ITSN1: variants seen among roughly 807,000 people sequenced by gnomAD.
The protein encoded by ITSN1 is intersectin 1, also known as intersectin-1.
In ITSN1, 58 loss-of-function variants were observed where a neutral mutation model predicts 239.8. The observed-to-expected ratio is 0.24, with a 90% CI of 0.20 to 0.30. The LOEUF is 0.30. ITSN1 is among the 10% of genes least tolerant of loss of function. ITSN1 has a pLI of 1.00. For synonymous variants in ITSN1, 780 were observed against 770.8 expected (o/e 1.01, Z -0.20); for missense variants, 1,558 against 2,103.3 (o/e 0.74, Z 5.07).
At chr21:33,886,535 G>T in intron 39 of ITSN1, 75 bp downstream of exon 39, 1 of 1,312,998 alleles carries the variant, frequency 7.6e-7, no homozygotes. Flanking sequence ...TTTCTTACCT[G>T]GGGACTTGGT....
Position 33,865,430 on chromosome 21 carries a change from T to C in ITSN1, c.4074+96T>C. On this transcript the variant is annotated intron_variant, in intron 32 of 39. Transcript: ENST00000381318. The surrounding 1 kb of genome is among the most constrained non-coding windows in gnomAD (Gnocchi z 4.4). ...CTAATTCAAAAGTCTGCAAGAGTGT[T>C]CCCACTAGAGGCCAACAGGGCCTAG... 9.3e-7 allele frequency: 1 copy of C among 1,072,626 alleles called. No homozygotes were observed. The highest frequency in any genetic ancestry group is 2.7e-5 in the East Asian group (1 of 37,488). The allele number at this position is 1,072,626 out of a possible 1,614,324, so 66.4% of individuals were successfully genotyped here. A position where few individuals can be genotyped will look rare whatever the true frequency, so the allele number is the denominator to read the frequency against.
chr21:33,735,359 A>T (rs1373085751), intron 5 of ITSN1, 155 bp downstream of exon 5: 3 of 777,554 alleles, frequency 3.9e-6, no homozygotes, highest in Non-Finnish European at 6.7e-6. Flanking sequence ...AGTGCTGGGG[A>T]GAAGAAGGAG....
intron 29 of ITSN1, among the ~76,000 whole-genome samples, chr21:33,845,513 G>A (rs961447769): frequency 6.6e-6 from 1 of 151,590 alleles, no homozygotes; most frequent in Non-Finnish European, 1.5e-5. Context: ...TAAAAGACCC[G>A]AATCTACTTG....
intron 34 of ITSN1, among the ~76,000 whole-genome samples, chr21:33,878,455 CACAT>C (rs200537972): frequency 6.6e-6 from 1 of 152,218 alleles, no homozygotes; most frequent in Non-Finnish European, 1.5e-5. Flanking sequence ...TGCCTGTACA[CACAT>C]ACATACATGC....
At chr21:33,723,459 A>C (rs930362480) in intron 4 of ITSN1, among the ~76,000 whole-genome samples, 1 of 152,106 alleles carries the variant, frequency 6.6e-6, no homozygotes, top group Non-Finnish European at 1.5e-5. Context: ...CTAAAAATAC[A>C]AAAAATTAGC....
At chr21:33,748,701 C>CGT (rs766570368) in intron 5 of ITSN1, among the ~76,000 whole-genome samples, 13 of 149,148 alleles carry the variant, frequency 8.7e-5, no homozygotes, top group African/African-American at 3.0e-4. Context: ...AAAAAATACA[C>CGT]GTATATATAT....
Position 33,794,416 on chromosome 21 carries a change from G to A in ITSN1, c.1900G>A (p.Glu634Lys). ...SMEAERLKQK[E>K]QERKIIELEK... ...GGAGGCTGAACGACTGAAACAGAAA[G>A]AACAAGAACGAAAGATCATAGAATT... Residue 634 changes from glutamate to lysine, a missense_variant, in exon 17 of 40, where the codon GAA becomes AAA. Physicochemically the swap from Glu to Lys is moderately conservative, Grantham distance 56. This residue lies in a region of ITSN1 where 982 missense variants were observed against 1,209.9 expected (regional missense o/e 0.81). Transcript: ENST00000381318. 1 of 1,613,756 alleles carries A rather than the reference G, an allele frequency of 6.2e-7. No homozygotes were observed. Among genetic ancestry groups the A allele is most frequent in the Non-Finnish European group, 8.5e-7 (1 of 1,179,874 alleles).
chr21:33,865,755 T>A lies in ITSN1; in HGVS notation c.4074+421T>A, dbSNP rs1383851262. On this transcript the variant is annotated intron_variant, in intron 32 of 39. Transcript: ENST00000381318. This position sits in a 1 kb window ranked among gnomAD's most constrained non-coding sequence, Gnocchi z 4.4. ...GCCAGGACTCCCAGTGGCCCCTTCA[T>A]TCCTTTCGCAGTTGGTTCTGCTTGA... Among the ~76,000 whole-genome samples, 1 of 152,172 alleles carries A rather than the reference T, an allele frequency of 6.6e-6. No individual in the cohort carries two copies. The highest frequency in any genetic ancestry group is 2.4e-5 in the African/African-American group (1 of 41,452).
intron 1 of ITSN1, among the ~76,000 whole-genome samples, chr21:33,674,938 A>G (rs771124011): frequency 1.3e-5 from 2 of 152,174 alleles, no homozygotes; most frequent in Non-Finnish European, 2.9e-5. Flanking sequence ...TTGTCAAAAT[A>G]ATATATGCTC....
intron 1 of ITSN1, among the ~76,000 whole-genome samples, chr21:33,705,566 G>A: frequency 1.3e-5 from 2 of 148,450 alleles, no homozygotes; most frequent in Non-Finnish European, 3.0e-5. Flanking sequence ...TTTTTTTTTT[G>A]TATTTTTAGT....
intron 34 of ITSN1, among the ~76,000 whole-genome samples, chr21:33,881,824 T>C (rs1211235256): frequency 6.6e-6 from 1 of 151,588 alleles, no homozygotes; most frequent in African/African-American, 2.4e-5. Context: ...CTACAAAAGT[T>C]TTTTTCACAT....
At chr21:33,778,632 G>T (rs1232490237) in intron 14 of ITSN1, among the ~76,000 whole-genome samples, 1 of 109,926 alleles carries the variant, frequency 9.1e-6, no homozygotes, top group Non-Finnish European at 1.6e-5. Context: ...AGGCTGGAGT[G>T]CAGTGGCGCA....
Position 33,818,268 on chromosome 21 carries a change from G to A in ITSN1, c.2729G>A (p.Gly910Asp), listed in dbSNP as rs1371769254. The A allele has an allele frequency of 6.2e-7, 1 of 1,613,862 alleles. No individual in the cohort carries two copies. The highest frequency in any genetic ancestry group is 8.5e-7 in the Non-Finnish European group (1 of 1,179,838). The part of the protein sequence containing the change: ...GSSPSPVLGQ[G>D]EKVEGLQAQA... Reference sequence around the variant, plus strand: ...GTCCTTTATGTTATTCCACACAAGGGTGAAAAGGTGGAGGGGCTACAAGCT... The same window carrying A: ...GTCCTTTATGTTATTCCACACAAGGATGAAAAGGTGGAGGGGCTACAAGCT... Residue 910 changes from glycine (G) to aspartate (D), a missense_variant and splice_region_variant, in exon 23 of 40, where the codon GGT becomes GAT. Transcript: ENST00000381318.
At chr21:33,827,289 A>C (rs1430039454) in intron 26 of ITSN1, among the ~76,000 whole-genome samples, 2 of 152,036 alleles carry the variant, frequency 1.3e-5, no homozygotes, top group African/African-American at 4.8e-5. Flanking sequence ...AATCCCAGCT[A>C]CTCGAGAGGC....
chr21:33,878,168 C>A (rs1286869394), intron 34 of ITSN1, among the ~76,000 whole-genome samples: 1 of 151,976 alleles, frequency 6.6e-6, no homozygotes, highest in East Asian at 1.9e-4. Flanking sequence ...GTAGCTGGGA[C>A]TACAGGCATT....
chr21:33,835,523 C>T (rs1320714691), intron 28 of ITSN1, among the ~76,000 whole-genome samples: 3 of 152,190 alleles, frequency 2.0e-5, no homozygotes, highest in South Asian at 2.1e-4. Flanking sequence ...AACAATTTTA[C>T]CTCCTGTAAG....
intron 16 of ITSN1, among the ~76,000 whole-genome samples, chr21:33,785,924 A>G (rs1199259157): frequency 6.6e-6 from 1 of 152,172 alleles, no homozygotes; most frequent in African/African-American, 2.4e-5. Flanking sequence ...ACCAATAATT[A>G]CTTGAGAAAG....
chr21:33,823,674 T>A, intron 25 of ITSN1, 21 bp downstream of exon 25: 2 of 1,603,190 alleles, frequency 1.2e-6, no homozygotes, highest in Non-Finnish European at 1.7e-6. Context: ...ATTAACTGTT[T>A]CCTCTCCCTT....
chr21:33,802,476 A>G (rs368613707), intron 20 of ITSN1, 32 bp downstream of exon 20: 20 of 1,609,684 alleles, frequency 1.2e-5, no homozygotes, highest in Non-Finnish European at 1.6e-5. Flanking sequence ...GGAAGTCTGC[A>G]TCTTATTCAA....
Sources: gnomAD v4.1 joint callset for allele counts (sites outside exome capture counted in the v4.1 genomes callset) on GRCh38, gnomAD v4.1.1 for gene constraint, gnomAD v4.1.1 regional missense constraint, Gnocchi (gnomAD v3.1) non-coding constraint, MANE v1.5 for transcripts, NCBI Gene and HGNC (gene_info 2026-07-23, HGNC 2026-07-21) for gene names.